The following CHST13 variants were observed in gnomAD, a reference collection of about 807,000 sequenced individuals.
CHST13 encodes C4ST-3.
In CHST13, 1 loss-of-function variant was observed where a neutral mutation model predicts 7.0. That is an observed-to-expected ratio of 0.14 (90% CI 0.05 to 0.68). The LOEUF is 0.68. Among genes scored for constraint, CHST13 ranks in the 30% least tolerant of loss-of-function variants. The pLI, the probability that CHST13 is intolerant of heterozygous loss-of-function variation, is 0.82. For missense variants in CHST13, 572 were observed against 507.9 expected (o/e 1.13, Z -1.21); for synonymous variants, 257 against 240.9 (o/e 1.07, Z -0.62).
Position 126,542,222 on chromosome 3 carries a change from C to A in CHST13, c.670C>A (p.Arg224Ser), listed in dbSNP as rs758712946. Reference protein sequence around the residue: ...PDARARGHDVRFAEFLAYLLD... With the variant: ...PDARARGHDVSFAEFLAYLLD... ...CGCCCGGGCCCGCGGCCACGACGTG[C>A]GCTTCGCGGAGTTCCTGGCCTACCT... The change falls in exon 3 of 3, where the codon CGC (arginine) becomes AGC (serine). Residue 224 changes from arginine (R) to serine (S), a missense_variant. Arg to Ser is a moderately radical substitution (Grantham distance 110). Coordinates refer to ENST00000319340, the MANE Select transcript of CHST13 (RefSeq NM_152889.3). 7 of 1,487,874 alleles carry A rather than the reference C, an allele frequency of 4.7e-6. No individual in the cohort carries two copies. The South Asian group carries it at 7.6e-5, about 16-fold the overall frequency. 92.2% of individuals were successfully genotyped at this position (1,487,874 alleles called of 1,614,324 possible).
intron 2 of CHST13, among the ~76,000 whole-genome samples, chr3:126,540,369 C>T (rs932871777): frequency 2.0e-5 from 3 of 152,130 alleles, no homozygotes; most frequent in Non-Finnish European, 2.9e-5. Flanking sequence ...CATCAGCAGC[C>T]CAGTGTCCAT....
intron 1 of CHST13, among the ~76,000 whole-genome samples, chr3:126,535,653 C>T (rs2107567776): frequency 6.6e-6 from 1 of 152,340 alleles, no homozygotes; most frequent in East Asian, 1.9e-4. Context: ...GCATCACTGT[C>T]CTCAGCTGGA....
At chr3:126,529,565 G>T (rs1030669945) in intron 1 of CHST13, among the ~76,000 whole-genome samples, 1 of 152,164 alleles carries the variant, frequency 6.6e-6, no homozygotes, top group Non-Finnish European at 1.5e-5. Context: ...GTGGGATAAA[G>T]ATAGTTTCTA....
intron 1 of CHST13, among the ~76,000 whole-genome samples, chr3:126,526,314 C>G (rs1936535475): frequency 6.6e-6 from 1 of 152,350 alleles, no homozygotes; most frequent in South Asian, 2.1e-4. Context: ...GCTGGAGGGG[C>G]ATCCCCTGCC....
chr3:126,531,867 T>C (rs1374139312), intron 1 of CHST13, among the ~76,000 whole-genome samples: 1 of 152,192 alleles, frequency 6.6e-6, no homozygotes, highest in Non-Finnish European at 1.5e-5. Context: ...AGCTTAGCTT[T>C]TTAAGAAACC....
Position 126,542,805 on chromosome 3 carries a change from T to TCCTCCAC in CHST13, c.*228_*234dup, listed in dbSNP as rs1937000493. 2.1e-6 allele frequency: 1 copy of TCCTCCAC among 481,514 alleles called. No individual in the cohort carries two copies. Among genetic ancestry groups the TCCTCCAC allele is most frequent in the South Asian group, 5.9e-5 (1 of 17,052 alleles). The allele number at this position is 481,514 out of a possible 1,614,324, so 29.8% of individuals were successfully genotyped here. ...CTCGGCCTGTCGCCTGAGGCCTGCT[T>TCCTCCAC]CCTCCACTTGCTCCAGCTGACAGGC... is the stretch of plus-strand genomic sequence containing the variant. On this transcript the variant is annotated 3_prime_UTR_variant, in exon 3 of 3. Coordinates refer to ENST00000319340, the MANE Select transcript of CHST13 (RefSeq NM_152889.3).
rs1937001772 is a variant in CHST13 at position 126,542,849 on chromosome 3, G to C, written c.*271G>C. 1 of 366,922 alleles carries C rather than the reference G, an allele frequency of 2.7e-6. No homozygotes were observed. The highest frequency in any genetic ancestry group is 4.8e-6 in the Non-Finnish European group (1 of 208,250). 22.7% of individuals were successfully genotyped at this position (366,922 alleles called of 1,614,324 possible). A position where few individuals can be genotyped will look rare whatever the true frequency, so the allele number is the denominator to read the frequency against. ...GACAGGCACCTCTCCAGGCCCCGTA[G>C]ATGGGCAAGGACTTGATAACCAGGG... On this transcript the variant is annotated 3_prime_UTR_variant, in exon 3 of 3. Transcript: ENST00000319340.
intron 1 of CHST13, among the ~76,000 whole-genome samples, chr3:126,534,020 G>A (rs1219211138): frequency 1.3e-5 from 2 of 152,148 alleles, no homozygotes; most frequent in South Asian, 2.1e-4. Context: ...ATTGTTCAGA[G>A]TTCTCTTGTA....
rs527361233 is a variant in CHST13 at position 126,539,477 on chromosome 3, A to G, written c.181-2256A>G. Among the ~76,000 whole-genome samples, 36 of 148,794 alleles carry G rather than the reference A, an allele frequency of 2.4e-4. 1 individual carries two copies. Among genetic ancestry groups the G allele is most frequent in the Middle Eastern group, 7.0e-3 (2 of 286 alleles). On this transcript the variant is annotated intron_variant, in intron 2 of 2. Transcript: ENST00000319340. The stretch of plus-strand genomic sequence containing the variant: ...CACAAACACACCACACACACTGCAC[A>G]CACACACACATATGTACCCCACACC...
At chr3:126,532,292 T>A (rs531826999) in intron 1 of CHST13, among the ~76,000 whole-genome samples, 1 of 152,376 alleles carries the variant, frequency 6.6e-6, no homozygotes, top group East Asian at 1.9e-4. Flanking sequence ...ATCTATTTTT[T>A]AAAATTTTGT....
At chr3:126,532,496 A>G (rs538049329) in intron 1 of CHST13, among the ~76,000 whole-genome samples, 2 of 152,338 alleles carry the variant, frequency 1.3e-5, no homozygotes, top group South Asian at 4.1e-4. Flanking sequence ...TGAATATCTC[A>G]TGCTGTCTCA....
Position 126,524,359 on chromosome 3 carries a change from C to G in CHST13, c.27C>G (p.Arg9=). The G allele has an allele frequency of 8.1e-7, 1 of 1,235,372 alleles. No homozygotes were observed. Among genetic ancestry groups the G allele is most frequent in the Non-Finnish European group, 1.0e-6 (1 of 989,760 alleles). 76.5% of individuals were successfully genotyped at this position (1,235,372 alleles called of 1,614,324 possible). A position where few individuals can be genotyped will look rare whatever the true frequency, so the allele number is the denominator to read the frequency against. MGRRCCRR[R]VLAAACLGAA... The stretch of plus-strand genomic sequence containing the variant: ...TGGGGAGGCGCTGCTGCCGGCGGCG[C>G]GTGCTGGCGGCCGCCTGTCTGGGCG... The change falls in exon 1 of 3, where the codon CGC becomes CGG. Residue 9 remains arginine (R), a synonymous_variant. Coordinates refer to ENST00000319340, the MANE Select transcript of CHST13 (RefSeq NM_152889.3).
chr3:126,534,330 T>C (rs1552642), intron 1 of CHST13, among the ~76,000 whole-genome samples: 150,419 of 152,378 alleles, frequency 0.99, 74,259 homozygotes, highest in East Asian at 1. Context: ...AAGGAATACA[T>C]TTATAGGTAA....
chr3:126,530,820 T>C (rs1936641582), intron 1 of CHST13, among the ~76,000 whole-genome samples: 2 of 152,244 alleles, frequency 1.3e-5, no homozygotes, highest in African/African-American at 4.8e-5. Flanking sequence ...GGCTGGTCAG[T>C]GGCCTGGAGA....
chr3:126,536,896 A>AC (rs1936805469), intron 2 of CHST13, among the ~76,000 whole-genome samples: 21 of 140,490 alleles, frequency 1.5e-4, no homozygotes, highest in African/African-American at 3.4e-4. Flanking sequence ...CACACACACA[A>AC]ACACACACAC....
intron 2 of CHST13, among the ~76,000 whole-genome samples, chr3:126,539,786 ACACACCACAGACAC>A (rs1936898034): frequency 1.3e-5 from 1 of 76,658 alleles, no homozygotes; most frequent in African/African-American, 5.8e-5. Flanking sequence ...CACACACACC[ACACACCACAGACAC>A]CACACCACAC....
At position 126,542,176 on chromosome 3, in the gene CHST13, G is replaced by T; in HGVS notation, c.624G>T (p.Leu208=). ...ACGGTGCACGCATCGTTCAGCGCCTGCGGCCGCGCGCGCTCCCCGACGCCC... is the reference window on the plus strand; with the variant it reads ...ACGGTGCACGCATCGTTCAGCGCCTTCGGCCGCGCGCGCTCCCCGACGCCC... The part of the protein sequence containing the change: ...RRYGARIVQR[L]RPRALPDARA... Residue 208 remains leucine (L), a synonymous_variant, in exon 3 of 3, where the codon CTG becomes CTT. Transcript: ENST00000319340. The T allele has an allele frequency of 6.9e-7, 1 of 1,450,854 alleles. No individual in the cohort carries two copies. The highest frequency in any genetic ancestry group is 1.5e-5 in the African/African-American group (1 of 66,776). The allele number at this position is 1,450,854 out of a possible 1,614,324, so 89.9% of individuals were successfully genotyped here.
rs550478618 is a variant in CHST13 at position 126,524,389 on chromosome 3, G to C, written c.57G>C (p.Ala19=). 16 of 1,225,606 alleles carry C rather than the reference G, an allele frequency of 1.3e-5. No homozygotes were observed. Among genetic ancestry groups the C allele is most frequent in the East Asian group, 6.4e-5 (2 of 31,114 alleles). The allele number at this position is 1,225,606 out of a possible 1,614,324, so 75.9% of individuals were successfully genotyped here. Residue 19 remains alanine, a synonymous_variant, in exon 1 of 3, where the codon GCG becomes GCC. Coordinates refer to ENST00000319340, the MANE Select transcript of CHST13 (RefSeq NM_152889.3). The stretch of plus-strand genomic sequence containing the variant: ...TGGCGGCCGCCTGTCTGGGCGCCGC[G>C]CTCCTGCTCCTATGCGCCGCGCCCC... ...RVLAAACLGA[A]LLLLCAAPRS... is the part of the protein sequence containing the mutation.
intron 2 of CHST13, among the ~76,000 whole-genome samples, chr3:126,539,773 GC>G: frequency 1.2e-4 from 2 of 16,406 alleles, no homozygotes; most frequent in Admixed American, 6.6e-4. Flanking sequence ...CACACACACA[GC>G]ACACACACAC....
Sources: gnomAD v4.1 joint callset for allele counts (sites outside exome capture counted in the v4.1 genomes callset) on GRCh38, gnomAD v4.1.1 for gene constraint, MANE v1.5 for transcripts, NCBI Gene and HGNC (gene_info 2026-07-23, HGNC 2026-07-21) for gene names.